Variants in CTNNA3 observed in about 807,000 individuals in gnomAD.
CTNNA3 encodes the protein catenin alpha-3.
Under a neutral mutation model 95.7 loss-of-function variants are expected in CTNNA3, and 76 were observed. The ratio of observed to expected loss-of-function variants is 0.79; its 90% CI spans 0.66 to 0.96. CTNNA3 has a LOEUF of 0.96. Among genes scored for constraint, CTNNA3 ranks in the 40% least tolerant of loss-of-function variants. The pLI is 0.00. For synonymous variants in CTNNA3, 431 were observed against 374.4 expected (o/e 1.15, Z -1.74); for missense variants, 1,191 against 1,089.8 (o/e 1.09, Z -1.31).
chr10:67,564,688 T>TATATATATAA (rs1841688958), intron 3 of CTNNA3, among the ~76,000 whole-genome samples: 4 of 69,800 alleles, frequency 5.7e-5, no homozygotes, highest in African/African-American at 2.4e-4. Flanking sequence ...TATATATATA[T>TATATATATAA]ATATATATAT....
chr10:67,487,518 A>AAAG lies in CTNNA3; in HGVS notation c.579+34323_579+34324insCTT, dbSNP rs559442390. ...CACCTAATTTTGGTGGTAGGGGAAAAAATGTAAAATCATCTGGGGCAATCA... is the reference window on the plus strand; with the variant it reads ...CACCTAATTTTGGTGGTAGGGGAAAAAAGAATGTAAAATCATCTGGGGCAATCA... On this transcript the variant is annotated intron_variant, in intron 5 of 17. Transcript: ENST00000433211. Among the ~76,000 whole-genome samples, 550 of 152,304 alleles carry AAAG rather than the reference A, an allele frequency of 3.6e-3. 8 individuals carry two copies. Among genetic ancestry groups the AAAG allele is most frequent in the African/African-American group, 0.013 (527 of 41,556 alleles).
intron 7 of CTNNA3, among the ~76,000 whole-genome samples, chr10:67,143,727 A>C (rs1449210105): frequency 1.3e-5 from 2 of 152,088 alleles, no homozygotes; most frequent in Non-Finnish European, 2.9e-5. Flanking sequence ...CTCCATTTCT[A>C]ACTCAGTTAT....
intron 5 of CTNNA3, among the ~76,000 whole-genome samples, chr10:67,272,879 C>T (rs1839041010): frequency 6.6e-6 from 1 of 152,138 alleles, no homozygotes; most frequent in African/African-American, 2.4e-5. Context: ...TCCCACAACA[C>T]AATACCACTA....
intron 7 of CTNNA3, among the ~76,000 whole-genome samples, chr10:67,076,300 A>T (rs1289914224): frequency 6.6e-6 from 1 of 152,248 alleles, no homozygotes; most frequent in Admixed American, 6.5e-5. Context: ...AACTTCAGAG[A>T]TCATGTTACT....
chr10:66,374,639 G>T (rs1452350744), intron 12 of CTNNA3, among the ~76,000 whole-genome samples: 3 of 122,996 alleles, frequency 2.4e-5, no homozygotes, highest in Non-Finnish European at 4.8e-5. Context: ...TTTTGAGACG[G>T]AGTCTCGCTC....
chr10:66,945,310 G>A (rs572159638), intron 7 of CTNNA3, among the ~76,000 whole-genome samples: 81 of 152,228 alleles, frequency 5.3e-4, no homozygotes, highest in Non-Finnish European at 8.1e-4. Context: ...CACTTCAAGC[G>A]TTGTGCTGTT....
At chr10:67,027,435 A>ATT (rs1853459423) in intron 7 of CTNNA3, among the ~76,000 whole-genome samples, 1 of 99,522 alleles carries the variant, frequency 1.0e-5, no homozygotes, top group African/African-American at 3.3e-5. Context: ...TTCTTTCATG[A>ATT]CTTTTTTTTT....
At chr10:66,613,450 T>C (rs956325920) in intron 10 of CTNNA3, among the ~76,000 whole-genome samples, 4 of 152,102 alleles carry the variant, frequency 2.6e-5, no homozygotes, top group African/African-American at 4.8e-5. Context: ...TTGGAGTAGG[T>C]GGAAGAAAGT....
chr10:65,998,731 T>C (rs1455985102), intron 15 of CTNNA3, among the ~76,000 whole-genome samples: 1 of 152,206 alleles, frequency 6.6e-6, no homozygotes, highest in Admixed American at 6.5e-5. Context: ...TGCCTTGAAC[T>C]GACCTTGAGA....
At chr10:66,083,923 G>A (rs1001781491) in intron 14 of CTNNA3, among the ~76,000 whole-genome samples, 1 of 151,940 alleles carries the variant, frequency 6.6e-6, no homozygotes, top group African/African-American at 2.4e-5. Flanking sequence ...ATTACCTAAG[G>A]TTGGGAATTC....
chr10:67,228,788 C>T (rs1865056111), intron 5 of CTNNA3, among the ~76,000 whole-genome samples: 1 of 152,102 alleles, frequency 6.6e-6, no homozygotes, highest in South Asian at 2.1e-4. Flanking sequence ...ATTAGATACC[C>T]TGAACAGACC....
intron 9 of CTNNA3, among the ~76,000 whole-genome samples, chr10:66,700,154 T>C (rs537179894): frequency 8.6e-4 from 131 of 152,342 alleles, no homozygotes; most frequent in African/African-American, 3.1e-3. Flanking sequence ...GTCCCACTTG[T>C]TTAATTTTGC....
At chr10:66,174,639 C>T (rs2085612185) in intron 13 of CTNNA3, among the ~76,000 whole-genome samples, 1 of 151,698 alleles carries the variant, frequency 6.6e-6, no homozygotes, top group Non-Finnish European at 1.5e-5. Context: ...GGATGTGAAA[C>T]CTGATAGGAT....
At chr10:66,897,697 CAT>C (rs1163208997) in intron 7 of CTNNA3, among the ~76,000 whole-genome samples, 1 of 151,886 alleles carries the variant, frequency 6.6e-6, no homozygotes, top group Admixed American at 6.6e-5. Flanking sequence ...TATATAGAAT[CAT>C]ATAAAACTAA....
At chr10:66,131,561 T>C (rs1436690800) in intron 13 of CTNNA3, among the ~76,000 whole-genome samples, 1 of 152,034 alleles carries the variant, frequency 6.6e-6, no homozygotes, top group Middle Eastern at 3.2e-3. Flanking sequence ...TTAAAATTCA[T>C]ATGGAACCAA....
chr10:67,033,570 C>T (rs1853863900), intron 7 of CTNNA3, among the ~76,000 whole-genome samples: 2 of 152,176 alleles, frequency 1.3e-5, no homozygotes, highest in Non-Finnish European at 2.9e-5. Flanking sequence ...CACATAGTGC[C>T]TAATATGTGC....
upstream of CTNNA3, among the ~76,000 whole-genome samples, chr10:67,699,142 C>T (rs950851751): frequency 6.6e-6 from 1 of 152,202 alleles, no homozygotes; most frequent in African/African-American, 2.4e-5. Context: ...TCACACACTG[C>T]ATTATCACCC....
chr10:66,114,005 G>C (rs2082218238), intron 13 of CTNNA3, among the ~76,000 whole-genome samples: 1 of 152,144 alleles, frequency 6.6e-6, no homozygotes, highest in South Asian at 2.1e-4. Context: ...GGTGGCAGCA[G>C]TAGTAGCAAC....
rs150599841 is a variant in CTNNA3 at position 66,887,636 on chromosome 10, C to G, written c.1048-112112G>C. Among the ~76,000 whole-genome samples, 78 of 152,224 alleles carry G rather than the reference C, an allele frequency of 5.1e-4. No individual in the cohort carries two copies. The East Asian group carries it at 0.014, about 28-fold the overall frequency. On this transcript the variant is annotated intron_variant, in intron 7 of 17. Coordinates refer to ENST00000433211, the MANE Select transcript of CTNNA3 (RefSeq NM_013266.4). ...TAGGAGTGAGTAAAGTTATTACTAT[C>G]ATACTTGTCAGACTGAATCTTTTGT...
Sources: gnomAD v4.1 joint callset for allele counts (sites outside exome capture counted in the v4.1 genomes callset) on GRCh38, gnomAD v4.1.1 for gene constraint, MANE v1.5 for transcripts, NCBI Gene and HGNC (gene_info 2026-07-23, HGNC 2026-07-21) for gene names.